DCHS1: variants seen among roughly 807,000 people sequenced by gnomAD.
DCHS1 encodes protocadherin-16.
A neutral mutation model predicts 213.9 loss-of-function variants in DCHS1; 78 were observed. The observed-to-expected ratio is 0.36, with a 90% CI of 0.30 to 0.44. DCHS1 has a LOEUF of 0.44. Ranked by LOEUF, DCHS1 falls within the 20% of genes least tolerant of loss-of-function variation. DCHS1 has a pLI of 1.00. For synonymous variants in DCHS1, 1,828 were observed against 1,873.7 expected, an observed-to-expected ratio of 0.98 and a Z score of 0.63; for missense variants, 3,946 against 4,395.9, an observed-to-expected ratio of 0.90 and a Z score of 2.89.
intron 1 of DCHS1, among the ~76,000 whole-genome samples, chr11:6,654,478 T>A (rs886346985): frequency 6.6e-5 from 10 of 152,324 alleles, no homozygotes; most frequent in African/African-American, 2.4e-4. Context: ...AACAATGTCT[T>A]CCATGGTATG....
rs780575460 is a variant in DCHS1 at position 6,624,850 on chromosome 11, T to A, written c.7165A>T (p.Thr2389Ser). The A allele has an allele frequency of 4.3e-6, 7 of 1,613,832 alleles. No individual in the cohort carries two copies. Among genetic ancestry groups the A allele is most frequent in the Non-Finnish European group, 5.9e-6 (7 of 1,179,826 alleles). The stretch of plus-strand genomic sequence containing the variant: ...GAGAGAATGGCACTGCCTGGGGGTG[T>A]GTGCTCAAGCAGCATTACCTGAAGT... ...SLYQVMLLEH[T>S]PPGSAILSVS... Residue 2389 changes from threonine to serine, a missense_variant, in exon 20 of 21, where the codon ACA becomes TCA. Thr to Ser is a moderately conservative substitution (Grantham distance 58). Coordinates refer to ENST00000299441, the MANE Select transcript of DCHS1 (RefSeq NM_003737.4).
At chr11:6,638,992 T>A (rs2134641818) in intron 2 of DCHS1, among the ~76,000 whole-genome samples, 1 of 151,942 alleles carries the variant, frequency 6.6e-6, no homozygotes, top group Non-Finnish European at 1.5e-5. Flanking sequence ...GTGCCTGTAG[T>A]CCCAGCTACT....
Position 6,640,753 on chromosome 11 carries a change from A to G in DCHS1, c.861T>C (p.Asn287=). The change falls in exon 2 of 21, where the codon AAT becomes AAC. Residue 287 remains asparagine (N), a synonymous_variant. Coordinates refer to ENST00000299441, the MANE Select transcript of DCHS1 (RefSeq NM_003737.4). This position sits in a 1 kb window ranked among gnomAD's most constrained non-coding sequence, Gnocchi z 6.5. ...GGTTGATCTCGTAAGTCACAGCCCC[A>G]TTGACACCAGCATCGGCATCAGATG... is the stretch of plus-strand genomic sequence containing the variant. ...VFASDADAGV[N]GAVTYEINRR... 6.2e-7 allele frequency: 1 copy of G among 1,613,942 alleles called. No individual in the cohort carries two copies. Among genetic ancestry groups the G allele is most frequent in the Non-Finnish European group, 8.5e-7 (1 of 1,179,884 alleles).
intron 4 of DCHS1, 23 bp downstream of exon 4, chr11:6,633,766 C>G: frequency 1.2e-6 from 2 of 1,607,956 alleles, no homozygotes; most frequent in Non-Finnish European, 1.7e-6. Flanking sequence ...GGGGGAAGGC[C>G]CCGGGAATGG....
At chr11:6,652,586 G>C in intron 1 of DCHS1, among the ~76,000 whole-genome samples, 1 of 152,330 alleles carries the variant, frequency 6.6e-6, no homozygotes, top group South Asian at 2.1e-4. Flanking sequence ...AGTTGAGTGA[G>C]GTCCCTGTGG....
Position 6,634,113 on chromosome 11 carries a change from C to T in DCHS1, c.1986+5G>A. The T allele has an allele frequency of 6.2e-7, 1 of 1,601,750 alleles. No individual in the cohort carries two copies. The highest frequency in any genetic ancestry group is 8.5e-7 in the Non-Finnish European group (1 of 1,172,394). On this transcript the variant is annotated splice_donor_5th_base_variant and intron_variant, in intron 3 of 20. Coordinates refer to ENST00000299441, the MANE Select transcript of DCHS1 (RefSeq NM_003737.4). Reference sequence around the variant, plus strand: ...TCCCAACCTGCCCTTGGTCTACTGACTTACCCCATCCACAGCTGTCACTGT... The same window carrying T: ...TCCCAACCTGCCCTTGGTCTACTGATTTACCCCATCCACAGCTGTCACTGT...
At chr11:6,624,636 G>A (rs1385201323) in intron 20 of DCHS1, 94 bp downstream of exon 20, 10 of 1,556,454 alleles carry the variant, frequency 6.4e-6, no homozygotes, top group African/African-American at 1.4e-5. Context: ...AGAGATCCAG[G>A]AGTTAAAGAG....
chr11:6,626,339 C>T lies in DCHS1; in HGVS notation c.6406G>A (p.Val2136Met), dbSNP rs137996181. Residue 2136 changes from valine (V) to methionine (M), a missense_variant, in exon 16 of 21, where the codon GTG becomes ATG. Around this residue, in one of 3 missense-constraint regions of DCHS1, gnomAD observed 3,384 missense variants for 3,780.1 expected, o/e 0.90. Transcript: ENST00000299441. The surrounding 1 kb of genome is among the most constrained non-coding windows in gnomAD (Gnocchi z 5.2). ...AGCACCAGTCGCAGCCGTGGACTCA[C>T]CTCGAAGTCTAGCCCCTCTGCTGAG... ...VRSAEGLDFE[V>M]SPRLRLVLQA... 3.3e-5 allele frequency: 54 copies of T among 1,613,534 alleles called. No individual in the cohort carries two copies. The highest frequency in any genetic ancestry group is 4.3e-5 in the Non-Finnish European group (51 of 1,179,760).
In DCHS1 at chr11:6,630,115, G is replaced by A. The variant is rs998424389; in HGVS notation, c.4679C>T (p.Pro1560Leu). The stretch of plus-strand genomic sequence containing the variant: ...TACCACGTGCAGGGCCGCGGGCCCA[G>A]GCGGCTGGTCCTCTGGGAGGCGCAC... ...SRVRLPEDQP[P>L]GPAALHVVAR... The change falls in exon 10 of 21, where the codon CCT (proline) becomes CTT (leucine). Residue 1560 changes from proline (P) to leucine (L), a missense_variant. Coordinates refer to ENST00000299441, the MANE Select transcript of DCHS1 (RefSeq NM_003737.4). 6 of 1,604,356 alleles carry A rather than the reference G, an allele frequency of 3.7e-6. No homozygotes were observed. In the African/African-American group the frequency reaches 6.7e-5, roughly 18 times the overall value.
intron 1 of DCHS1, among the ~76,000 whole-genome samples, chr11:6,647,216 G>A (rs967872777): frequency 6.6e-6 from 1 of 152,180 alleles, no homozygotes; most frequent in Non-Finnish European, 1.5e-5. Context: ...GTAGGGGGAT[G>A]ACAGGGAACA....
Position 6,633,502 on chromosome 11 carries a change from T to C in DCHS1, c.2365A>G (p.Ile789Val). 6.3e-7 allele frequency: 1 copy of C among 1,582,684 alleles called. No homozygotes were observed. Among genetic ancestry groups the C allele is most frequent in the Non-Finnish European group, 8.6e-7 (1 of 1,163,718 alleles). Residue 789 changes from isoleucine (I) to valine (V), a missense_variant, in exon 5 of 21, where the codon ATA becomes GTA. Transcript: ENST00000299441. Reference sequence around the variant, plus strand: ...AAAACATACTGTAGTTGCTCAAATATGGGTGGTGTGGGGGTTCCAGGCACA... The same window carrying C: ...AAAACATACTGTAGTTGCTCAAATACGGGTGGTGTGGGGGTTCCAGGCACA... ...SIVPGTPTPP[I>V]FEQLQYVFSV...
In DCHS1 at chr11:6,624,037, C is replaced by T. The variant is rs1342542848; in HGVS notation, c.7639G>A (p.Gly2547Ser). 1 of 1,613,542 alleles carries T rather than the reference C, an allele frequency of 6.2e-7. No individual in the cohort carries two copies. Among genetic ancestry groups the T allele is most frequent in the Non-Finnish European group, 8.5e-7 (1 of 1,179,826 alleles). ...LAEAGESAGP[G>S]PRALGCLVLL... is the part of the protein sequence containing the mutation. ...ACCAGGCAGCCCAGTGCCCGGGGGC[C>T]TGGTCCAGCACTCTCCCCAGCCTCA... The change falls in exon 21 of 21, where the codon GGC becomes AGC. Residue 2547 changes from glycine (G) to serine (S), a missense_variant. Coordinates refer to ENST00000299441, the MANE Select transcript of DCHS1 (RefSeq NM_003737.4).
chr11:6,631,724 T>C lies in DCHS1; in HGVS notation c.3567A>G (p.Pro1189=), dbSNP rs557707384. Residue 1189 remains proline (P), a synonymous_variant, in exon 7 of 21, where the codon CCA becomes CCG. Coordinates refer to ENST00000299441, the MANE Select transcript of DCHS1 (RefSeq NM_003737.4). ...LLVQVQDGGS[P]PRSTTGTVHV... ...GCACAGTGCCTGTGGTGCTGCGGGG[T>C]GGGCTCCCTCCATCCTGCACCTGCA... 5 of 1,609,588 alleles carry C rather than the reference T, an allele frequency of 3.1e-6. No individual in the cohort carries two copies. The highest frequency in any genetic ancestry group is 4.5e-5 in the East Asian group (2 of 44,774).
In DCHS1 at chr11:6,627,808, A is replaced by T; in HGVS notation, c.5372-141T>A. 2.0e-6 allele frequency: 2 copies of T among 1,014,954 alleles called. No individual in the cohort carries two copies. The highest frequency in any genetic ancestry group is 3.6e-5 in the South Asian group (2 of 56,300). The allele number at this position is 1,014,954 out of a possible 1,614,324, so 62.9% of individuals were successfully genotyped here. On this transcript the variant is annotated intron_variant, in intron 13 of 20. Transcript: ENST00000299441. This position sits in a 1 kb window ranked among gnomAD's most constrained non-coding sequence, Gnocchi z 5.4. ...AGGAAGAAAAACAGAAACAGAAAGT[A>T]AAAGAAGATACTATAAAGCAGCTGG... is the stretch of plus-strand genomic sequence containing the variant.
At chr11:6,624,955 C>A in intron 19 of DCHS1, 87 bp from the exon 20 acceptor site, 2 of 1,560,004 alleles carry the variant, frequency 1.3e-6, no homozygotes, top group Non-Finnish European at 1.7e-6. Flanking sequence ...GTTCCTTGTG[C>A]CCTGCTTGGC....
chr11:6,626,748 A>G lies in DCHS1; in HGVS notation c.6250+41T>C, dbSNP rs764027093. 1.2e-6 allele frequency: 2 copies of G among 1,609,234 alleles called. No homozygotes were observed. Among genetic ancestry groups the G allele is most frequent in the Non-Finnish European group, 1.7e-6 (2 of 1,177,734 alleles). ...CATTTTCAAAGCACAACCCCAGCCC[A>G]TTTGGGAGTCTGAATCTGGAAGAAA... On this transcript the variant is annotated intron_variant, in intron 14 of 20. Transcript: ENST00000299441. This position sits in a 1 kb window ranked among gnomAD's most constrained non-coding sequence, Gnocchi z 5.2.
chr11:6,645,462 C>T (rs1856141513), intron 1 of DCHS1, among the ~76,000 whole-genome samples: 2 of 152,178 alleles, frequency 1.3e-5, no homozygotes, highest in Admixed American at 1.3e-4. Context: ...GGCCAATGTG[C>T]TTATCATACT....
At chr11:6,639,558 C>T (rs1475645143) in intron 2 of DCHS1, among the ~76,000 whole-genome samples, 1 of 152,214 alleles carries the variant, frequency 6.6e-6, no homozygotes, top group African/African-American at 2.4e-5. Context: ...CCTGACACCA[C>T]AAATCATTTC....
At position 6,622,767 on chromosome 11, in the gene DCHS1, G is replaced by A. The variant is rs1855719374; in HGVS notation, c.8909C>T (p.Ala2970Val). ...LVRARSRKAE[A>V]APGPMSQAAP... The stretch of plus-strand genomic sequence containing the variant: ...TGCCTGTGACATTGGGCCAGGGGCT[G>A]CCTCAGCCTTGCGGCTACGGGCCCG... The change falls in exon 21 of 21, where the codon GCA becomes GTA. Residue 2970 changes from alanine (A) to valine (V), a missense_variant. By Grantham distance (64) the Ala-to-Val change is moderately conservative (BLOSUM62 0). This residue lies in a region of DCHS1 where 554 missense variants were observed against 590.2 expected (regional missense o/e 0.94). Coordinates refer to ENST00000299441, the MANE Select transcript of DCHS1 (RefSeq NM_003737.4). This position sits in a 1 kb window ranked among gnomAD's most constrained non-coding sequence, Gnocchi z 5.4. The A allele has an allele frequency of 6.3e-7, 1 of 1,592,436 alleles. No homozygotes were observed. The highest frequency in any genetic ancestry group is 2.3e-5 in the East Asian group (1 of 43,602).
Sources: gnomAD v4.1 joint callset for allele counts (sites outside exome capture counted in the v4.1 genomes callset) on GRCh38, gnomAD v4.1.1 for gene constraint, gnomAD v4.1.1 regional missense constraint, Gnocchi (gnomAD v3.1) non-coding constraint, MANE v1.5 for transcripts, NCBI Gene and HGNC (gene_info 2026-07-23, HGNC 2026-07-21) for gene names.